The following NUBPL variants were observed in gnomAD, a reference collection of about 807,000 sequenced individuals.
NUBPL encodes the protein iron-sulfur cluster transfer protein NUBPL.
Under a neutral mutation model 45.7 loss-of-function variants are expected in NUBPL, and 31 were observed. The observed-to-expected ratio is 0.68, with a 90% CI of 0.51 to 0.92. NUBPL has a LOEUF of 0.92. NUBPL is among the 40% of genes least tolerant of loss of function. The pLI, the probability that NUBPL is intolerant of heterozygous loss-of-function variation, is 0.00. For synonymous variants in NUBPL, 144 were observed against 140.9 expected, an observed-to-expected ratio of 1.02 and a Z score of -0.15; for missense variants, 401 against 398.7, an observed-to-expected ratio of 1.01 and a Z score of -0.05.
chr14:31,610,516 A>G (rs2034723979), intron 4 of NUBPL, among the ~76,000 whole-genome samples: 1 of 149,816 alleles, frequency 6.7e-6, no homozygotes, highest in Non-Finnish European at 1.5e-5. Flanking sequence ...TCCTACTCAA[A>G]CTGTTCTGAA....
intron 7 of NUBPL, among the ~76,000 whole-genome samples, chr14:31,790,829 C>T (rs771759706): frequency 4.0e-5 from 6 of 151,886 alleles, no homozygotes; most frequent in African/African-American, 9.7e-5. Context: ...CCAGCCTGGG[C>T]GACAAAGTGA....
intron 8 of NUBPL, among the ~76,000 whole-genome samples, chr14:31,834,646 G>C (rs568771090): frequency 6.6e-6 from 1 of 152,080 alleles, no homozygotes; most frequent in Non-Finnish European, 1.5e-5. Flanking sequence ...CTTTCCCCAG[G>C]CTCTCTCAGA....
chr14:31,772,626 A>G (rs922995227), intron 6 of NUBPL, among the ~76,000 whole-genome samples: 15 of 152,198 alleles, frequency 9.9e-5, no homozygotes, highest in Non-Finnish European at 1.9e-4. Context: ...ATTCAGAATT[A>G]CCAAAGATTG....
At chr14:31,730,024 T>G (rs948584266) in intron 6 of NUBPL, among the ~76,000 whole-genome samples, 1 of 152,180 alleles carries the variant, frequency 6.6e-6, no homozygotes. Context: ...GGTGTTTCCT[T>G]TATTCCCAGT....
chr14:31,575,221 A>G (rs2033688793), intron 3 of NUBPL, among the ~76,000 whole-genome samples: 1 of 152,230 alleles, frequency 6.6e-6, no homozygotes, highest in Non-Finnish European at 1.5e-5. Context: ...AAGAAATTGT[A>G]ATTCAAGATT....
At chr14:31,764,607 A>G (rs557453632) in intron 6 of NUBPL, among the ~76,000 whole-genome samples, 16 of 152,352 alleles carry the variant, frequency 1.1e-4, no homozygotes, top group Admixed American at 9.2e-4. Context: ...CTCTAGATAC[A>G]TTGCAACATT....
intron 6 of NUBPL, among the ~76,000 whole-genome samples, chr14:31,727,830 A>G (rs1490680179): frequency 6.6e-6 from 1 of 152,210 alleles, no homozygotes; most frequent in Non-Finnish European, 1.5e-5. Context: ...TTTTCTTGTC[A>G]CATCACACTT....
At chr14:31,804,638 A>C (rs540523554) in intron 7 of NUBPL, among the ~76,000 whole-genome samples, 3 of 152,216 alleles carry the variant, frequency 2.0e-5, no homozygotes, top group Admixed American at 6.6e-5. Context: ...CCGCACATCT[A>C]TGACCATTTG....
intron 8 of NUBPL, among the ~76,000 whole-genome samples, chr14:31,826,942 A>G (rs1475082789): frequency 3.3e-5 from 5 of 152,248 alleles, no homozygotes; most frequent in African/African-American, 9.6e-5. Context: ...AGAGTTTTCT[A>G]TAGAAGTGCT....
Position 31,645,777 on chromosome 14 carries a change from C to G in NUBPL, c.383-27578C>G, listed in dbSNP as rs908763518. On this transcript the variant is annotated intron_variant, in intron 4 of 10. Coordinates refer to ENST00000281081, the MANE Select transcript of NUBPL (RefSeq NM_025152.3). The stretch of plus-strand genomic sequence containing the variant: ...TTTTAAAACTTCTATACTTTACACC[C>G]CCCCCCCCACATTTTGACTTTTGTT... Among the ~76,000 whole-genome samples the G allele has an allele frequency of 4.7e-5, 6 of 128,852 alleles. No individual in the cohort carries two copies. In the South Asian group the frequency reaches 9.3e-4, roughly 20 times the overall value. The allele number at this position is 128,852 out of a possible 152,430, so 84.5% of individuals were successfully genotyped here.
At chr14:31,835,525 C>T (rs989458986) in intron 8 of NUBPL, among the ~76,000 whole-genome samples, 7 of 152,140 alleles carry the variant, frequency 4.6e-5, no homozygotes, top group African/African-American at 1.7e-4. Flanking sequence ...AGCCTTAGCA[C>T]ACGGTATGGT....
chr14:31,845,615 C>A, intron 8 of NUBPL: 1 of 152,934 alleles, frequency 6.5e-6, no homozygotes, highest in Middle Eastern at 3.2e-3. Context: ...GAGCCGAGAT[C>A]GCGCCATTGC....
rs35016391 is a variant in NUBPL at position 31,729,288 on chromosome 14, C to CA, written c.513+55723dup. 1.2e-3 allele frequency among the ~76,000 whole-genome samples: 163 copies of CA among 132,764 alleles called. 3 individuals are homozygous for CA. Among genetic ancestry groups the CA allele is most frequent in the African/African-American group, 4.6e-3 (154 of 33,510 alleles). 87.1% of individuals were successfully genotyped at this position (132,764 alleles called of 152,430 possible). A position where few individuals can be genotyped will look rare whatever the true frequency, so the allele number is the denominator to read the frequency against. ...AGAGATGCTCCATCCCCCCCCCCCC[C>CA]AAAAAAAAAGTCATTCAACAAATAT... On this transcript the variant is annotated intron_variant, in intron 6 of 10. Coordinates refer to ENST00000281081, the MANE Select transcript of NUBPL (RefSeq NM_025152.3).
chr14:31,739,442 A>G (rs921195034), intron 6 of NUBPL, among the ~76,000 whole-genome samples: 1 of 151,902 alleles, frequency 6.6e-6, no homozygotes, highest in East Asian at 1.9e-4. Flanking sequence ...AATAGAATGC[A>G]TGTGAGTATA....
intron 6 of NUBPL, chr14:31,714,944 C>CT (rs2037655204): frequency 6.6e-6 from 1 of 152,228 alleles, no homozygotes; most frequent in Non-Finnish European, 1.5e-5. Flanking sequence ...TGCCTTGACT[C>CT]TATGACTTCC....
At chr14:31,841,660 G>T (rs568805545) in intron 8 of NUBPL, among the ~76,000 whole-genome samples, 1 of 151,888 alleles carries the variant, frequency 6.6e-6, no homozygotes, top group East Asian at 1.9e-4. Context: ...AATTTCATTT[G>T]TGTCTAGTGT....
chr14:31,702,822 T>A (rs1265024760), intron 6 of NUBPL, among the ~76,000 whole-genome samples: 1 of 152,112 alleles, frequency 6.6e-6, no homozygotes, highest in African/African-American at 2.4e-5. Flanking sequence ...AAAGAAAAAA[T>A]TTTCATCTTT....
At chr14:31,850,543 T>C (rs953086093) in intron 10 of NUBPL, among the ~76,000 whole-genome samples, 1 of 152,192 alleles carries the variant, frequency 6.6e-6, no homozygotes, top group African/African-American at 2.4e-5. Flanking sequence ...TTCAACTGAT[T>C]GGAGAAGGAA....
At chr14:31,834,552 T>C (rs1295904956) in intron 8 of NUBPL, among the ~76,000 whole-genome samples, 2 of 152,134 alleles carry the variant, frequency 1.3e-5, no homozygotes, top group Non-Finnish European at 2.9e-5. Context: ...TAGACGATCT[T>C]TATTACCTTT....
Sources: gnomAD v4.1 joint callset for allele counts (sites outside exome capture counted in the v4.1 genomes callset) on GRCh38, gnomAD v4.1.1 for gene constraint, MANE v1.5 for transcripts, NCBI Gene and HGNC (gene_info 2026-07-23, HGNC 2026-07-21) for gene names.